LIMCH1: variants seen among roughly 807,000 people sequenced by gnomAD.
The protein encoded by LIMCH1 is LIM and calponin homology domains 1, also known as LIM and calponin homology domains-containing protein 1.
A neutral mutation model predicts 176.5 loss-of-function variants in LIMCH1; 113 were observed. The observed-to-expected ratio is 0.64, with a 90% CI of 0.55 to 0.75. The LOEUF (loss-of-function observed/expected upper bound fraction) is 0.75. Ranked by LOEUF, LIMCH1 falls within the 30% of genes least tolerant of loss-of-function variation. The probability of loss-of-function intolerance (pLI) is 0.00; values close to 1 mark genes in which losing one functional copy is unlikely to be tolerated. For missense variants in LIMCH1, 1,674 were observed against 1,814.9 expected, an observed-to-expected ratio of 0.92 and a Z score of 1.41; for synonymous variants, 619 against 645.9, an observed-to-expected ratio of 0.96 and a Z score of 0.63.
At chr4:41,548,532 C>T (rs1050726200) in intron 1 of LIMCH1, among the ~76,000 whole-genome samples, 1 of 152,144 alleles carries the variant, frequency 6.6e-6, no homozygotes, top group Non-Finnish European at 1.5e-5. Flanking sequence ...CATCAACTGG[C>T]CCTATCCCAG....
intron 1 of LIMCH1, among the ~76,000 whole-genome samples, chr4:41,378,391 G>A (rs1486596809): frequency 1.3e-5 from 2 of 152,036 alleles, no homozygotes; most frequent in Non-Finnish European, 2.9e-5. Context: ...AAATGGTGAG[G>A]GTATTTTTAG....
chr4:41,384,903 A>G (rs1297999881), intron 1 of LIMCH1, among the ~76,000 whole-genome samples: 1 of 152,170 alleles, frequency 6.6e-6, no homozygotes, highest in African/African-American at 2.4e-5. Flanking sequence ...AAAAAGAGGA[A>G]ATCTAGGAAT....
chr4:41,440,642 C>T (rs944704883), intron 1 of LIMCH1, among the ~76,000 whole-genome samples: 1 of 152,156 alleles, frequency 6.6e-6, no homozygotes, highest in African/African-American at 2.4e-5. Context: ...AAGTGATTCT[C>T]CTGCCTCAGC....
intron 30 of LIMCH1, among the ~76,000 whole-genome samples, chr4:41,691,631 C>A (rs1055079221): frequency 8.7e-5 from 13 of 149,544 alleles, no homozygotes; most frequent in Non-Finnish European, 1.8e-4. Context: ...GGCGTGGTGG[C>A]ACACGCCTGT....
chr4:41,403,131 T>C lies in LIMCH1; in HGVS notation c.96+42195T>C, dbSNP rs540091462. ...AAAAATAAAAAAGCCTAGTACCATA[T>C]CTAGGAAAACAGACTAATGCTGTAA... On this transcript the variant is annotated intron_variant, in intron 1 of 26. Coordinates refer to the LIMCH1 transcript ENST00000313860. Among the ~76,000 whole-genome samples the C allele has an allele frequency of 5.9e-5, 9 of 151,930 alleles. No individual in the cohort carries two copies. The East Asian group carries it at 7.7e-4, about 13-fold the overall frequency.
chr4:41,498,499 A>G (rs965122593), intron 2 of LIMCH1, among the ~76,000 whole-genome samples: 14 of 152,172 alleles, frequency 9.2e-5, no homozygotes, highest in Non-Finnish European at 1.8e-4. Context: ...GTGTGTGTGT[A>G]GTTGAAGTTT....
chr4:41,424,109 A>G (rs559490712), intron 1 of LIMCH1, among the ~76,000 whole-genome samples: 1 of 151,840 alleles, frequency 6.6e-6, no homozygotes, highest in African/African-American at 2.4e-5. Flanking sequence ...TCTTTTTACC[A>G]TGCGTACTAG....
At chr4:41,420,222 C>A (rs945068348) in intron 1 of LIMCH1, among the ~76,000 whole-genome samples, 5 of 152,080 alleles carry the variant, frequency 3.3e-5, no homozygotes, top group African/African-American at 1.2e-4. Flanking sequence ...GTAATACCTA[C>A]CTCACAGGAT....
At chr4:41,509,371 C>T (rs755579047) in intron 2 of LIMCH1, among the ~76,000 whole-genome samples, 37 of 152,192 alleles carry the variant, frequency 2.4e-4, no homozygotes, top group Non-Finnish European at 5.0e-4. Context: ...GTCTAGAGCT[C>T]TCTCTCTAAC....
chr4:41,521,745 T>C (rs538170936), intron 2 of LIMCH1, among the ~76,000 whole-genome samples: 59 of 152,294 alleles, frequency 3.9e-4, no homozygotes, highest in African/African-American at 1.4e-3. Context: ...TATTTTTTAA[T>C]TTATGGTAAA....
At chr4:41,563,469 C>A (rs150869655) in intron 1 of LIMCH1, among the ~76,000 whole-genome samples, 3 of 152,214 alleles carry the variant, frequency 2.0e-5, no homozygotes, top group Admixed American at 2.0e-4. Flanking sequence ...AAGTAAGCAG[C>A]CCAGATACTT....
intron 19 of LIMCH1, 73 bp from the exon 20 acceptor site, chr4:41,662,748 G>A: frequency 6.7e-7 from 1 of 1,499,438 alleles, no homozygotes; most frequent in South Asian, 1.2e-5. Context: ...TCATGGCATT[G>A]CAGAATAAAT....
At chr4:41,619,151 T>A in intron 5 of LIMCH1, 37 bp from the exon 6 acceptor site, 1 of 1,606,080 alleles carries the variant, frequency 6.2e-7, no homozygotes. Flanking sequence ...TCTGCTAGCC[T>A]AACACACTTT....
At chr4:41,687,692 A>T in intron 28 of LIMCH1, 148 bp from the exon 29 acceptor site, 1 of 564,136 alleles carries the variant, frequency 1.8e-6, no homozygotes, top group Non-Finnish European at 3.2e-6. Flanking sequence ...TTAAAAAAAA[A>T]AATACTGCCA....
intron 1 of LIMCH1, among the ~76,000 whole-genome samples, chr4:41,427,189 T>C (rs951528289): frequency 6.6e-6 from 1 of 152,186 alleles, no homozygotes; most frequent in African/African-American, 2.4e-5. Flanking sequence ...CTTGAGATCT[T>C]TTAATTTCTT....
At chr4:41,681,472 G>A (rs1715774374) in intron 25 of LIMCH1, among the ~76,000 whole-genome samples, 1 of 152,088 alleles carries the variant, frequency 6.6e-6, no homozygotes, top group African/African-American at 2.4e-5. Flanking sequence ...CAGTAGCAAA[G>A]ATGTCAATAA....
chr4:41,681,126 A>C, intron 25 of LIMCH1, 67 bp downstream of exon 25: 1 of 912,034 alleles, frequency 1.1e-6, no homozygotes, highest in Non-Finnish European at 1.8e-6. Flanking sequence ...AAACCCCAAG[A>C]CCAAGGTTAC....
At chr4:41,620,238 G>C in intron 6 of LIMCH1, 186 bp from the exon 7 acceptor site, 2 of 589,636 alleles carry the variant, frequency 3.4e-6, no homozygotes, top group Non-Finnish European at 5.7e-6. Context: ...TCAATGTTGC[G>C]GGTATGATGC....
chr4:41,380,038 C>A (rs1425997181), intron 1 of LIMCH1, among the ~76,000 whole-genome samples: 1 of 152,092 alleles, frequency 6.6e-6, no homozygotes, highest in Non-Finnish European at 1.5e-5. Flanking sequence ...ACGTTAACCT[C>A]AGGTGATCCA....
Sources: gnomAD v4.1 joint callset for allele counts (sites outside exome capture counted in the v4.1 genomes callset) on GRCh38, gnomAD v4.1.1 for gene constraint, MANE v1.5 for transcripts, NCBI Gene and HGNC (gene_info 2026-07-23, HGNC 2026-07-21) for gene names.